Variants in GRAMD4 observed in about 807,000 individuals in gnomAD.
GRAMD4 encodes the protein GRAM domain containing 4.
In GRAMD4, 25 loss-of-function variants were observed where a neutral mutation model predicts 83.9. The observed-to-expected ratio is 0.30, with a 90% CI of 0.22 to 0.42. The LOEUF is 0.42. Among genes scored for constraint, GRAMD4 ranks in the 10% least tolerant of loss-of-function variants. The probability of loss-of-function intolerance (pLI) is 1.00; values close to 1 mark genes in which losing one functional copy is unlikely to be tolerated. For missense variants in GRAMD4, 593 were observed against 788.7 expected (o/e 0.75, Z 2.97); for synonymous variants, 336 against 320.9 (o/e 1.05, Z -0.50).
At chr22:46,644,702 T>TTTG (rs1569285224) in intron 3 of GRAMD4, among the ~76,000 whole-genome samples, 5 of 7,220 alleles carry the variant, frequency 6.9e-4, no homozygotes, top group Admixed American at 1.4e-3. Context: ...TCCCTGTTTT[T>TTTG]TTTTTTTTTT....
intron 17 of GRAMD4, among the ~76,000 whole-genome samples, 159 bp downstream of exon 17, chr22:46,675,711 C>T (rs1000109039): frequency 6.6e-6 from 1 of 152,230 alleles, no homozygotes; most frequent in Non-Finnish European, 1.5e-5. Flanking sequence ...CTTGAGTCCC[C>T]ATGTCCCTGT....
chr22:46,674,772 T>G, intron 16 of GRAMD4, 22 bp downstream of exon 16: 6 of 1,514,130 alleles, frequency 4.0e-6, no homozygotes, highest in Non-Finnish European at 5.5e-6. Context: ...CGTGGGGCCC[T>G]GTGTGGCTGC....
chr22:46,585,181 TTTTC>T (rs962175113), intron 1 of GRAMD4, among the ~76,000 whole-genome samples: 4 of 149,672 alleles, frequency 2.7e-5, no homozygotes, highest in Admixed American at 6.8e-5. Context: ...AGCCTGTCTT[TTTTC>T]TTTCTTTCTT....
intron 1 of GRAMD4, among the ~76,000 whole-genome samples, chr22:46,599,442 G>A (rs552908730): frequency 7.6e-4 from 115 of 151,786 alleles, no homozygotes; most frequent in Non-Finnish European, 1.4e-3. Context: ...CCTCAGCCTC[G>A]CAAGTAGCTG....
At chr22:46,642,709 G>A (rs1416279896) in intron 3 of GRAMD4, among the ~76,000 whole-genome samples, 1 of 152,086 alleles carries the variant, frequency 6.6e-6, no homozygotes, top group Non-Finnish European at 1.5e-5. Flanking sequence ...AGAGTTGGGT[G>A]CATTTGTTTC....
At chr22:46,675,762 T>G (rs2082588111) in intron 17 of GRAMD4, among the ~76,000 whole-genome samples, 1 of 152,126 alleles carries the variant, frequency 6.6e-6, no homozygotes, top group Non-Finnish European at 1.5e-5. Context: ...CTGGACCGTG[T>G]GTCTCAAAGT....
chr22:46,615,010 C>G (rs1465406361), intron 1 of GRAMD4, among the ~76,000 whole-genome samples: 5 of 113,996 alleles, frequency 4.4e-5, no homozygotes, highest in Admixed American at 1.7e-4. Context: ...TGTAGGTTCC[C>G]CTGTGCGTGT....
rs564853084 is a variant in GRAMD4, at chr22:46,678,047, G to A, written c.*796G>A. ...CTGGGGACCAGTAAGGGCACAGGATGGTGCAGGTAAAAGCACATCTTTCTC... is the reference window on the plus strand; with the variant it reads ...CTGGGGACCAGTAAGGGCACAGGATAGTGCAGGTAAAAGCACATCTTTCTC... On this transcript the variant is annotated 3_prime_UTR_variant, in exon 19 of 19. Transcript: ENST00000406902. 3.0e-6 allele frequency: 3 copies of A among 985,668 alleles called. No individual in the cohort carries two copies. In the African/African-American group the frequency reaches 5.2e-5, roughly 17 times the overall value. The allele number at this position is 985,668 out of a possible 1,614,324, so 61.1% of individuals were successfully genotyped here. A position where few individuals can be genotyped will look rare whatever the true frequency, so the allele number is the denominator to read the frequency against.
chr22:46,659,530 C>T lies in GRAMD4; in HGVS notation c.404+1223C>T, dbSNP rs903009318. ...TGAGCACTGCCTGCTATGAGCGCTC[C>T]GGGGGCCGTGTGTCATTGTCAGGAC... On this transcript the variant is annotated intron_variant, in intron 4 of 18. Coordinates refer to ENST00000406902, the MANE Select transcript of GRAMD4 (RefSeq NM_015124.5). This position sits in a 1 kb window ranked among gnomAD's most constrained non-coding sequence, Gnocchi z 4.1. 2.0e-5 allele frequency among the ~76,000 whole-genome samples: 3 copies of T among 152,224 alleles called. No homozygotes were observed. The highest frequency in any genetic ancestry group is 6.5e-5 in the Admixed American group (1 of 15,282).
intron 1 of GRAMD4, 23 bp from the exon 2 acceptor site, chr22:46,626,728 G>T: frequency 6.6e-7 from 1 of 1,519,124 alleles, no homozygotes; most frequent in Non-Finnish European, 9.0e-7. Context: ...GAGCGGGAGA[G>T]TGACCACGCC....
chr22:46,588,325 C>T (rs1023851448), intron 1 of GRAMD4, among the ~76,000 whole-genome samples: 4 of 152,214 alleles, frequency 2.6e-5, no homozygotes, highest in African/African-American at 9.6e-5. Context: ...CACCTCCGTC[C>T]CTGTCTGGCT....
At chr22:46,617,661 A>G (rs868519628), upstream of GRAMD4, among the ~76,000 whole-genome samples, 2 of 152,238 alleles carry the variant, frequency 1.3e-5, no homozygotes, top group South Asian at 2.1e-4. Context: ...TGGCCCTCCC[A>G]GTCTTCCTGA....
chr22:46,630,506 G>C (rs550074109), intron 2 of GRAMD4, among the ~76,000 whole-genome samples: 1 of 152,350 alleles, frequency 6.6e-6, no homozygotes, highest in South Asian at 2.1e-4. Context: ...CTCATGTGCA[G>C]CCGCGCCATG....
At chr22:46,624,588 A>G (rs1206077956) in intron 1 of GRAMD4, among the ~76,000 whole-genome samples, 4 of 152,162 alleles carry the variant, frequency 2.6e-5, no homozygotes, top group South Asian at 2.1e-4. Context: ...GGCCTCCCAA[A>G]GTGCTGGGAT....
At chr22:46,627,557 T>TG (rs942303720) in intron 2 of GRAMD4, among the ~76,000 whole-genome samples, 4 of 151,992 alleles carry the variant, frequency 2.6e-5, no homozygotes, top group African/African-American at 9.7e-5. Flanking sequence ...TTGCATTTGG[T>TG]GGGGGGTGGG....
At chr22:46,631,409 G>C (rs887527795) in intron 2 of GRAMD4, among the ~76,000 whole-genome samples, 3 of 149,494 alleles carry the variant, frequency 2.0e-5, no homozygotes, top group African/African-American at 7.6e-5. Flanking sequence ...ACCGGGGATG[G>C]GTAGAACCTC....
chr22:46,589,940 C>G (rs74939508), intron 1 of GRAMD4, among the ~76,000 whole-genome samples: 13,093 of 152,264 alleles, frequency 0.086, 695 homozygotes, highest in East Asian at 0.26. Flanking sequence ...TCAGCCAGCT[C>G]CCCTCGTGGC....
At chr22:46,590,625 A>C (rs2081197620) in intron 1 of GRAMD4, among the ~76,000 whole-genome samples, 1 of 152,110 alleles carries the variant, frequency 6.6e-6, no homozygotes, top group Non-Finnish European at 1.5e-5. Context: ...GGCCCAGGTG[A>C]GTGTCAACAG....
At chr22:46,587,574 C>T (rs1002476097) in intron 1 of GRAMD4, among the ~76,000 whole-genome samples, 1 of 151,936 alleles carries the variant, frequency 6.6e-6, no homozygotes, top group African/African-American at 2.4e-5. Context: ...CAGCAGCATA[C>T]CTGGCAGGCA....
Sources: gnomAD v4.1 joint callset for allele counts (sites outside exome capture counted in the v4.1 genomes callset) on GRCh38, gnomAD v4.1.1 for gene constraint, Gnocchi (gnomAD v3.1) non-coding constraint, MANE v1.5 for transcripts, NCBI Gene and HGNC (gene_info 2026-07-23, HGNC 2026-07-21) for gene names.